The following DNAH10 variants were observed in gnomAD, a reference collection of about 807,000 sequenced individuals.
DNAH10 encodes the protein dynein axonemal heavy chain 10.
DNAH10 carries 348 observed loss-of-function variants against 506.6 expected under a neutral mutation model. That is an observed-to-expected ratio of 0.69 (90% CI 0.63 to 0.75). DNAH10 has a LOEUF of 0.75. Ranked by LOEUF, DNAH10 falls within the 30% of genes least tolerant of loss-of-function variation. The pLI is 0.00. For synonymous variants in DNAH10, 2,059 were observed against 2,198.6 expected (o/e 0.94, Z 1.78); for missense variants, 5,179 against 5,787.1 (o/e 0.89, Z 3.41).
chr12:123,874,265 G>GTCCATCCATCCATCCATCCA (rs34989387), intron 46 of DNAH10, among the ~76,000 whole-genome samples: 92 of 145,486 alleles, frequency 6.3e-4, no homozygotes, highest in Non-Finnish European at 1.1e-3. Flanking sequence ...GAGTCCGTCC[G>GTCCATCCATCCATCCATCCA]TCCATCCATC....
At chr12:123,848,218 AC>A in intron 33 of DNAH10, 123 bp downstream of exon 33, 3 of 1,382,780 alleles carry the variant, frequency 2.2e-6, no homozygotes. Context: ...AAAACCTTCC[AC>A]CACCACAGCC....
intron 51 of DNAH10, among the ~76,000 whole-genome samples, chr12:123,885,464 T>C (rs963826966): frequency 2.0e-5 from 3 of 152,194 alleles, no homozygotes; most frequent in Non-Finnish European, 4.4e-5. Context: ...TCTTTGAATA[T>C]TGTTCATTTT....
rs772051185 is a variant in DNAH10, at chr12:123,916,603, A to G, written c.10869A>G (p.Gly3623=). The change falls in exon 63 of 79, where the codon GGA becomes GGG. Residue 3623 remains glycine (G), a synonymous_variant. Coordinates refer to ENST00000673944, the MANE Select transcript of DNAH10 (RefSeq NM_001372106.1). The surrounding 1 kb of genome is among the most constrained non-coding windows in gnomAD (Gnocchi z 4.6). ...VLEKNIKVSQ[G]RQFIILGDKE... ...AAAAAAATATAAAAGTCTCCCAAGG[A>G]CGGCAGTTTATTATCCTGGGAGACA... The G allele has an allele frequency of 6.2e-7, 1 of 1,613,892 alleles. No individual in the cohort carries two copies. Among genetic ancestry groups the G allele is most frequent in the South Asian group, 1.1e-5 (1 of 91,074 alleles).
intron 8 of DNAH10, among the ~76,000 whole-genome samples, 180 bp downstream of exon 8, chr12:123,784,357 G>A (rs1025256863): frequency 1.3e-5 from 2 of 152,110 alleles, no homozygotes; most frequent in Non-Finnish European, 1.5e-5. Flanking sequence ...AACCAGCCTG[G>A]CCAACATGGT....
chr12:123,827,498 A>G (rs1960115228), intron 25 of DNAH10, among the ~76,000 whole-genome samples: 1 of 152,182 alleles, frequency 6.6e-6, no homozygotes, highest in Non-Finnish European at 1.5e-5. Flanking sequence ...TACTGATGGG[A>G]TAGCCAGCCC....
In DNAH10 at chr12:123,853,105, A is replaced by T; in HGVS notation, c.6292-101A>T. 7.9e-7 allele frequency: 1 copy of T among 1,266,956 alleles called. No individual in the cohort carries two copies. The highest frequency in any genetic ancestry group is 2.0e-5 in the South Asian group (1 of 48,862). 78.5% of individuals were successfully genotyped at this position (1,266,956 alleles called of 1,614,324 possible). A position where few individuals can be genotyped will look rare whatever the true frequency, so the allele number is the denominator to read the frequency against. On this transcript the variant is annotated intron_variant, in intron 35 of 78. Transcript: ENST00000673944. This position sits in a 1 kb window ranked among gnomAD's most constrained non-coding sequence, Gnocchi z 4.7. ...TTATTTGTAGAGCAGCTGCACTGGAACACCTGCCCCCGTTTTCTTGCATTT... is the reference window on the plus strand; with the variant it reads ...TTATTTGTAGAGCAGCTGCACTGGATCACCTGCCCCCGTTTTCTTGCATTT...
At chr12:123,891,934 C>T (rs1463720979) in intron 52 of DNAH10, among the ~76,000 whole-genome samples, 1 of 152,190 alleles carries the variant, frequency 6.6e-6, no homozygotes, top group Non-Finnish European at 1.5e-5. Context: ...CTTAATCCCC[C>T]AACATTGAGT....
In DNAH10 at chr12:123,935,367, C is replaced by A. The variant is rs1955448600; in HGVS notation, c.13656C>A (p.Ser4552=). ...TCCGGACCCCCGTCTACACCACCTCCATGAGAAGGAACGCCATGGGAGTCG... is the reference window on the plus strand; with the variant it reads ...TCCGGACCCCCGTCTACACCACCTCAATGAGAAGGAACGCCATGGGAGTCG... ...NTFRTPVYTT[S]MRRNAMGVGL... The change falls in exon 79 of 79, where the codon TCC becomes TCA. Residue 4552 remains serine (S), a synonymous_variant. Coordinates refer to ENST00000673944, the MANE Select transcript of DNAH10 (RefSeq NM_001372106.1). 1 of 1,611,240 alleles carries A rather than the reference C, an allele frequency of 6.2e-7. No individual in the cohort carries two copies. Among genetic ancestry groups the A allele is most frequent in the Non-Finnish European group, 8.5e-7 (1 of 1,177,570 alleles).
chr12:123,925,411 A>C lies in DNAH10; in HGVS notation c.11921+207A>C, dbSNP rs780610022. ...ATAAGAAATTCAGTGTGAGCCACAT[A>C]TGCAGTTTCGAAAGTTCTAGTAGCT... On this transcript the variant is annotated intron_variant, in intron 68 of 78. Transcript: ENST00000673944. This position sits in a 1 kb window ranked among gnomAD's most constrained non-coding sequence, Gnocchi z 4.0. 7.7e-5 allele frequency: 44 copies of C among 567,814 alleles called. No individual in the cohort carries two copies. The highest frequency in any genetic ancestry group is 1.2e-4 in the Non-Finnish European group (42 of 361,864). The allele number at this position is 567,814 out of a possible 1,614,324, so 35.2% of individuals were successfully genotyped here.
chr12:123,873,516 G>T, intron 45 of DNAH10, 42 bp from the exon 46 acceptor site: 1 of 1,569,768 alleles, frequency 6.4e-7, no homozygotes, highest in Admixed American at 1.9e-5. Context: ...CTGCTACCCT[G>T]GGGAAAAAGC....
intron 21 of DNAH10, among the ~76,000 whole-genome samples, chr12:123,816,214 C>T (rs548963998): frequency 7.5e-4 from 115 of 152,328 alleles, no homozygotes; most frequent in Middle Eastern, 3.4e-3. Flanking sequence ...CTTTTGTATG[C>T]AAGTGAAATG....
chr12:123,820,507 T>C, intron 23 of DNAH10, 73 bp from the exon 24 acceptor site: 2 of 1,418,094 alleles, frequency 1.4e-6, no homozygotes, highest in South Asian at 1.3e-5. Flanking sequence ...AGATACATTA[T>C]GCATGATTTC....
chr12:123,935,563 C>A lies in DNAH10; in HGVS notation c.*82C>A. On this transcript the variant is annotated 3_prime_UTR_variant, in exon 79 of 79. Transcript: ENST00000673944. ...CGGGTCTGCTGTCATTTCTTGGGGC[C>A]TCTCAAGAGGCAGGAGGGGGACTGA... 7.1e-7 allele frequency: 1 copy of A among 1,416,820 alleles called. No individual in the cohort carries two copies. The highest frequency in any genetic ancestry group is 1.9e-5 in the Admixed American group (1 of 53,676). The allele number at this position is 1,416,820 out of a possible 1,614,324, so 87.8% of individuals were successfully genotyped here. A position where few individuals can be genotyped will look rare whatever the true frequency, so the allele number is the denominator to read the frequency against.
At chr12:123,887,090 G>A in intron 51 of DNAH10, 52 bp from the exon 52 acceptor site, 2 of 1,536,428 alleles carry the variant, frequency 1.3e-6, no homozygotes, top group Non-Finnish European at 1.8e-6. Flanking sequence ...GAGCCCGCAG[G>A]GAAGGGAGGC....
At position 123,935,689 on chromosome 12, in the gene DNAH10, A is replaced by C. The variant is rs1955464962; in HGVS notation, c.*208A>C. ...ACTACTTTTTAAAAGGAATTTATAT[A>C]ATCAAAAAGTAAATATTGGAGAGTA... On this transcript the variant is annotated 3_prime_UTR_variant, in exon 79 of 79. Transcript: ENST00000673944. The C allele has an allele frequency of 2.1e-6, 1 of 473,014 alleles. No individual in the cohort carries two copies. Among genetic ancestry groups the C allele is most frequent in the Non-Finnish European group, 3.6e-6 (1 of 276,170 alleles). 29.3% of individuals were successfully genotyped at this position (473,014 alleles called of 1,614,324 possible). A position where few individuals can be genotyped will look rare whatever the true frequency, so the allele number is the denominator to read the frequency against.
intron 36 of DNAH10, among the ~76,000 whole-genome samples, chr12:123,856,609 G>A (rs1951401423): frequency 6.6e-6 from 1 of 150,668 alleles, no homozygotes; most frequent in Non-Finnish European, 1.5e-5. Flanking sequence ...TGGAATTACA[G>A]GCATGAGCCA....
At chr12:123,848,409 T>A (rs7977713) in intron 33 of DNAH10, among the ~76,000 whole-genome samples, 3 of 151,922 alleles carry the variant, frequency 2.0e-5, no homozygotes, top group Non-Finnish European at 2.9e-5. Flanking sequence ...CTAAAGAGGG[T>A]GCCCGTCCAG....
chr12:123,880,565 G>A (rs1322609865), intron 50 of DNAH10, among the ~76,000 whole-genome samples: 9 of 151,234 alleles, frequency 6.0e-5, no homozygotes, highest in Non-Finnish European at 1.3e-4. Flanking sequence ...GGTTGGTCTC[G>A]AACTCCTGGG....
chr12:123,853,178 T>C lies in DNAH10; in HGVS notation c.6292-28T>C. On this transcript the variant is annotated intron_variant, in intron 35 of 78. Coordinates refer to ENST00000673944, the MANE Select transcript of DNAH10 (RefSeq NM_001372106.1). The surrounding 1 kb of genome is among the most constrained non-coding windows in gnomAD (Gnocchi z 4.7). ...TTGAATCATTTTCTTTTTTCTTTTT[T>C]TTTGTATTATTATCTTCTATCAAAA... is the stretch of plus-strand genomic sequence containing the variant. The C allele has an allele frequency of 6.6e-7, 1 of 1,513,222 alleles. No individual in the cohort carries two copies. Among genetic ancestry groups the C allele is most frequent in the Non-Finnish European group, 8.9e-7 (1 of 1,128,204 alleles). The allele number at this position is 1,513,222 out of a possible 1,614,324, so 93.7% of individuals were successfully genotyped here. A position where few individuals can be genotyped will look rare whatever the true frequency, so the allele number is the denominator to read the frequency against.
Sources: gnomAD v4.1 joint callset for allele counts (sites outside exome capture counted in the v4.1 genomes callset) on GRCh38, gnomAD v4.1.1 for gene constraint, Gnocchi (gnomAD v3.1) non-coding constraint, MANE v1.5 for transcripts, NCBI Gene and HGNC (gene_info 2026-07-23, HGNC 2026-07-21) for gene names.